The following SPPL3 variants were observed in gnomAD, a reference collection of about 807,000 sequenced individuals.
The protein encoded by SPPL3 is signal peptide peptidase like 3.
SPPL3 carries 5 observed loss-of-function variants against 42.4 expected under a neutral mutation model. That is an observed-to-expected ratio of 0.12 (90% confidence interval 0.06 to 0.25). The LOEUF is 0.25. Ranked by LOEUF, SPPL3 falls within the 10% of genes least tolerant of loss-of-function variation. SPPL3 has a pLI of 1.00. For missense variants in SPPL3, 235 were observed against 489.0 expected (o/e 0.48, Z 4.90); for synonymous variants, 195 against 181.8 (o/e 1.07, Z -0.58).
chr12:120,802,483 G>GGA (rs1274783670), intron 2 of SPPL3, among the ~76,000 whole-genome samples: 3 of 146,458 alleles, frequency 2.0e-5, no homozygotes, highest in African/African-American at 7.6e-5. Context: ...GGCCCAGGCT[G>GGA]GAGTGCAGTG....
intron 1 of SPPL3, among the ~76,000 whole-genome samples, chr12:120,871,296 G>GA (rs201749010): frequency 1.3e-5 from 2 of 151,832 alleles, no homozygotes; most frequent in African/African-American, 4.8e-5. Flanking sequence ...AAAGTAAAAA[G>GA]AAAAAAAGCT....
chr12:120,766,145 CGA>C (rs1816505522), intron 10 of SPPL3, 116 bp downstream of exon 10: 2 of 732,912 alleles, frequency 2.7e-6, no homozygotes, highest in Admixed American at 5.5e-5. Flanking sequence ...CACACACAGT[CGA>C]GATCACAAGC....
intron 1 of SPPL3, among the ~76,000 whole-genome samples, chr12:120,864,754 A>C (rs996723440): frequency 6.6e-6 from 1 of 152,210 alleles, no homozygotes; most frequent in Non-Finnish European, 1.5e-5. Flanking sequence ...CCTTAAAACA[A>C]CCACAGTACT....
chr12:120,827,793 A>ATT (rs397754270), intron 1 of SPPL3, among the ~76,000 whole-genome samples: 32 of 148,514 alleles, frequency 2.2e-4, no homozygotes, highest in Non-Finnish European at 2.5e-4. Flanking sequence ...GTCTCAAATA[A>ATT]TTTTTTTTTT....
chr12:120,771,347 C>T (rs991477090), intron 6 of SPPL3, among the ~76,000 whole-genome samples: 3 of 152,206 alleles, frequency 2.0e-5, no homozygotes, highest in Admixed American at 6.5e-5. Flanking sequence ...TCGGCCACGC[C>T]GCCGCTTCAG....
At chr12:120,895,358 T>G (rs1200877660) in intron 1 of SPPL3, among the ~76,000 whole-genome samples, 2 of 150,038 alleles carry the variant, frequency 1.3e-5, no homozygotes, top group African/African-American at 4.9e-5. Flanking sequence ...ACCCAGGAGG[T>G]AGAGGTTGCA....
At chr12:120,827,950 G>A (rs1053742644) in intron 1 of SPPL3, among the ~76,000 whole-genome samples, 1 of 152,190 alleles carries the variant, frequency 6.6e-6, no homozygotes, top group Non-Finnish European at 1.5e-5. Context: ...ACCACACCTA[G>A]CTAATTTTTG....
chr12:120,779,989 C>A (rs1363493624), intron 6 of SPPL3, among the ~76,000 whole-genome samples: 2 of 147,318 alleles, frequency 1.4e-5, no homozygotes, highest in Non-Finnish European at 3.0e-5. Context: ...CAGAGTGAGA[C>A]TCCATCTCAA....
chr12:120,821,325 C>A (rs914243723), intron 1 of SPPL3, among the ~76,000 whole-genome samples: 35 of 152,224 alleles, frequency 2.3e-4, no homozygotes, highest in African/African-American at 8.2e-4. Context: ...CCAAAGCATG[C>A]GCTTTTGATT....
intron 1 of SPPL3, among the ~76,000 whole-genome samples, chr12:120,813,019 T>C (rs1218635286): frequency 6.6e-6 from 1 of 151,994 alleles, no homozygotes; most frequent in East Asian, 1.9e-4. Context: ...CAGATTGAAA[T>C]TGGGTGAGAA....
chr12:120,815,669 A>G (rs959967207), intron 1 of SPPL3, among the ~76,000 whole-genome samples: 7 of 152,194 alleles, frequency 4.6e-5, no homozygotes. Flanking sequence ...TCTCAAATCA[A>G]TGGAGACTCT....
At chr12:120,880,593 C>T (rs367765528) in intron 1 of SPPL3, among the ~76,000 whole-genome samples, 2 of 151,938 alleles carry the variant, frequency 1.3e-5, no homozygotes, top group East Asian at 1.9e-4. Context: ...TGGAGACCAT[C>T]CTGGCTAACA....
chr12:120,860,822 T>G (rs1872598446), intron 1 of SPPL3, among the ~76,000 whole-genome samples: 1 of 152,196 alleles, frequency 6.6e-6, no homozygotes, highest in African/African-American at 2.4e-5. Context: ...ATATGGTCTC[T>G]GTGACAACTA....
chr12:120,811,440 A>T (rs1284927654), intron 1 of SPPL3: 1 of 152,270 alleles, frequency 6.6e-6, no homozygotes, highest in African/African-American at 2.4e-5. Flanking sequence ...CCTCTCAAGG[A>T]ATGGTGTCAC....
intron 1 of SPPL3, among the ~76,000 whole-genome samples, chr12:120,831,836 C>T (rs1322336768): frequency 6.6e-6 from 1 of 152,152 alleles, no homozygotes; most frequent in Non-Finnish European, 1.5e-5. Context: ...ACCACTACCA[C>T]CAAAGAAGCC....
At chr12:120,876,634 A>AAAAAAAAAAAAAAAAG (rs1483322103) in intron 1 of SPPL3, among the ~76,000 whole-genome samples, 1 of 148,616 alleles carries the variant, frequency 6.7e-6, no homozygotes. Context: ...AAAAAAAAAA[A>AAAAAAAAAAAAAAAAG]AAGAAGAAAG....
At chr12:120,877,790 A>G (rs988165292) in intron 1 of SPPL3, among the ~76,000 whole-genome samples, 2 of 141,060 alleles carry the variant, frequency 1.4e-5, no homozygotes, top group African/African-American at 6.3e-5. Context: ...TTAAAAAAAA[A>G]AAAGAAAGAA....
At chr12:120,861,683 A>C (rs1872621507) in intron 1 of SPPL3, among the ~76,000 whole-genome samples, 1 of 152,226 alleles carries the variant, frequency 6.6e-6, no homozygotes, top group African/African-American at 2.4e-5. Context: ...CTCAGTATAC[A>C]ATCACCTCTC....
At chr12:120,787,361 C>T (rs1329439071) in intron 3 of SPPL3, among the ~76,000 whole-genome samples, 2 of 152,046 alleles carry the variant, frequency 1.3e-5, no homozygotes, top group Non-Finnish European at 2.9e-5. Flanking sequence ...GTGTACATGG[C>T]TTTTTAAAAT....
Sources: gnomAD v4.1 joint callset for allele counts (sites outside exome capture counted in the v4.1 genomes callset) on GRCh38, gnomAD v4.1.1 for gene constraint, MANE v1.5 for transcripts, NCBI Gene and HGNC (gene_info 2026-07-23, HGNC 2026-07-21) for gene names.